Variants in SEC24A observed in about 807,000 individuals in gnomAD.
SEC24A encodes SEC24 homolog A, COPII component.
SEC24A carries 93 observed loss-of-function variants against 129.4 expected under a neutral mutation model. The observed-to-expected ratio is 0.72, with a 90% confidence interval of 0.61 to 0.85. The LOEUF (loss-of-function observed/expected upper bound fraction) is 0.85. Ranked by LOEUF, SEC24A falls within the 40% of genes least tolerant of loss-of-function variation. The probability of loss-of-function intolerance (pLI) is 0.00; values close to 1 mark genes in which losing one functional copy is unlikely to be tolerated. For synonymous variants in SEC24A, 460 were observed against 467.3 expected, an observed-to-expected ratio of 0.98 and a Z score of 0.20; for missense variants, 1,264 against 1,307.4, an observed-to-expected ratio of 0.97 and a Z score of 0.51.
At chr5:134,683,271 G>A (rs1035861933) in intron 9 of SEC24A, among the ~76,000 whole-genome samples, 2 of 152,132 alleles carry the variant, frequency 1.3e-5, no homozygotes, top group Admixed American at 6.5e-5. Context: ...CTCCCACCTC[G>A]GCCTCCCAGA....
chr5:134,708,417 T>A (rs543422572), intron 17 of SEC24A, among the ~76,000 whole-genome samples: 4 of 152,352 alleles, frequency 2.6e-5, no homozygotes, highest in Admixed American at 2.6e-4. Context: ...ATGTTTTTCT[T>A]TCTCAATGGT....
In SEC24A at chr5:134,675,121, ATC is replaced by A; in HGVS notation, c.1057_1058del (p.Leu353SerfsTer21). The A allele has an allele frequency of 6.2e-7, 1 of 1,613,720 alleles. No individual in the cohort carries two copies. Among genetic ancestry groups the A allele is most frequent in the Non-Finnish European group, 8.5e-7 (1 of 1,179,710 alleles). ...CAACCAGAGGGTCTAAGAGTTGTCA[ATC>A]TTCTTCAAGAAAGAAACATGCTTCC... On this transcript the variant is annotated frameshift_variant, in exon 6 of 23. Transcript: ENST00000398844. LOFTEE classifies it high-confidence loss of function.
chr5:134,658,472 C>T (rs1750326897), intron 1 of SEC24A, among the ~76,000 whole-genome samples: 1 of 152,142 alleles, frequency 6.6e-6, no homozygotes, highest in African/African-American at 2.4e-5. Flanking sequence ...CTAATTATAG[C>T]TCACTGAAGT....
rs182631480 is a variant in SEC24A at position 134,717,363 on chromosome 5, C to T, written c.2866-706C>T. On this transcript the variant is annotated intron_variant, in intron 19 of 22. Coordinates refer to ENST00000398844, the MANE Select transcript of SEC24A (RefSeq NM_021982.3). ...TCTACTAAAAATACAAAAAATTAGC[C>T]GGGCATGGTGGCGCATGCCTGTAAT... 3.3e-3 allele frequency among the ~76,000 whole-genome samples: 504 copies of T among 151,408 alleles called. 5 individuals are homozygous for T. The highest frequency in any genetic ancestry group is 0.011 in the African/African-American group (464 of 41,360).
Position 134,660,895 on chromosome 5 carries a change from T to G in SEC24A, c.98-224T>G, listed in dbSNP as rs113911947. On this transcript the variant is annotated intron_variant, in intron 1 of 22. Transcript: ENST00000398844. The stretch of plus-strand genomic sequence containing the variant: ...GATTTACATTTCTGTTATGACTAAT[T>G]ATGTTTGTATTTCTCTAATGACTGA... 1.0e-2 allele frequency among the ~76,000 whole-genome samples: 1,516 copies of G among 152,212 alleles called. 22 individuals are homozygous for G. Among genetic ancestry groups the G allele is most frequent in the African/African-American group, 0.035 (1,435 of 41,532 alleles).
chr5:134,677,779 G>A (rs1297499330), intron 7 of SEC24A, among the ~76,000 whole-genome samples: 2 of 151,156 alleles, frequency 1.3e-5, no homozygotes, highest in Non-Finnish European at 2.9e-5. Context: ...GGAGGTTGCA[G>A]TGAGCCAAGA....
rs1481295592 is a variant in SEC24A, at chr5:134,674,610, T to G, written c.818-5T>G. The G allele has an allele frequency of 2.5e-6, 4 of 1,608,996 alleles. No homozygotes were observed. Among genetic ancestry groups the G allele is most frequent in the Non-Finnish European group, 3.4e-6 (4 of 1,177,934 alleles). ...AATAGAACTTAAAAGTTACCTTGTT[T>G]CTAGCAACACCACAGCTTACTAACA... On this transcript the variant is annotated splice_region_variant and splice_polypyrimidine_tract_variant and intron_variant, in intron 4 of 22. Coordinates refer to ENST00000398844, the MANE Select transcript of SEC24A (RefSeq NM_021982.3).
At chr5:134,672,405 C>T (rs546905538) in intron 4 of SEC24A, among the ~76,000 whole-genome samples, 24 of 152,284 alleles carry the variant, frequency 1.6e-4, no homozygotes, top group African/African-American at 5.8e-4. Flanking sequence ...CCAGGCTGTC[C>T]TCTAACTCCT....
At chr5:134,674,992 A>G (rs1053470220) in intron 5 of SEC24A, 53 bp from the exon 6 acceptor site, 2 of 1,407,174 alleles carry the variant, frequency 1.4e-6, no homozygotes, top group African/African-American at 1.4e-5. Flanking sequence ...GAAATTAACC[A>G]CTTCCCTACA....
chr5:134,698,923 G>A (rs139808965), intron 15 of SEC24A, among the ~76,000 whole-genome samples: 25 of 151,556 alleles, frequency 1.6e-4, no homozygotes, highest in Admixed American at 1.3e-3. Flanking sequence ...GTGAGTGACC[G>A]CACACAGCCT....
intron 1 of SEC24A, among the ~76,000 whole-genome samples, chr5:134,659,515 A>G (rs1750373503): frequency 6.6e-6 from 1 of 152,146 alleles, no homozygotes; most frequent in Non-Finnish European, 1.5e-5. Context: ...ATTTTCACAT[A>G]GTGGGGAGGG....
intron 1 of SEC24A, among the ~76,000 whole-genome samples, chr5:134,657,179 A>AACACACACACACACAC: frequency 1.5e-5 from 2 of 137,016 alleles, no homozygotes; most frequent in African/African-American, 6.5e-5. Context: ...ATTTCTGAAA[A>AACACACACACACACAC]ACGCACACAC....
intron 18 of SEC24A, among the ~76,000 whole-genome samples, chr5:134,712,926 ATTTT>A (rs754704811): frequency 9.7e-6 from 1 of 102,740 alleles, no homozygotes; most frequent in South Asian, 3.3e-4. Flanking sequence ...AAATATTTAA[ATTTT>A]TTTTTTTTTT....
At chr5:134,658,512 C>A (rs1234537049) in intron 1 of SEC24A, among the ~76,000 whole-genome samples, 3 of 152,164 alleles carry the variant, frequency 2.0e-5, no homozygotes, top group Non-Finnish European at 4.4e-5. Context: ...AGTCCTCTTG[C>A]CTCAGCCTCC....
At chr5:134,696,980 T>G (rs1249567311) in intron 13 of SEC24A, 146 bp from the exon 14 acceptor site, 1 of 482,680 alleles carries the variant, frequency 2.1e-6, no homozygotes, top group Non-Finnish European at 3.7e-6. Context: ...AAAAATCAAG[T>G]AGTACCACAA....
chr5:134,659,135 G>A (rs1031386886), intron 1 of SEC24A, among the ~76,000 whole-genome samples: 48 of 151,324 alleles, frequency 3.2e-4, no homozygotes, highest in Non-Finnish European at 5.2e-4. Context: ...GCAGTGGCGC[G>A]ATGTTGGCTC....
intron 15 of SEC24A, among the ~76,000 whole-genome samples, chr5:134,702,564 AC>A (rs1752035816): frequency 6.6e-6 from 1 of 152,152 alleles, no homozygotes; most frequent in Non-Finnish European, 1.5e-5. Context: ...ACATTTGCAT[AC>A]TTAGGTACAT....
chr5:134,686,650 G>C, intron 9 of SEC24A, 140 bp from the exon 10 acceptor site: 1 of 502,314 alleles, frequency 2.0e-6, no homozygotes, highest in Non-Finnish European at 3.5e-6. Flanking sequence ...AAACAATATA[G>C]TATAGCTTTG....
At chr5:134,709,746 A>G (rs1249387988) in intron 18 of SEC24A, among the ~76,000 whole-genome samples, 1 of 152,220 alleles carries the variant, frequency 6.6e-6, no homozygotes, top group Non-Finnish European at 1.5e-5. Flanking sequence ...ACTATATCAT[A>G]GCATCCCTTT....
Sources: allele counts gnomAD v4.1 joint callset (sites outside exome capture counted in the v4.1 genomes callset), GRCh38; gene constraint gnomAD v4.1.1; transcripts MANE v1.5; gene names NCBI Gene and HGNC (gene_info 2026-07-23, HGNC 2026-07-21).